The following GPR158 variants were observed in gnomAD, a reference collection of about 807,000 sequenced individuals.
GPR158 encodes the protein metabotropic glycine receptor.
A neutral mutation model predicts 78.2 loss-of-function variants in GPR158; 30 were observed. That is an observed-to-expected ratio of 0.38 (90% CI 0.29 to 0.52). The LOEUF (loss-of-function observed/expected upper bound fraction) is 0.52, where lower values mean the gene tolerates loss of function less well. Among genes scored for constraint, GPR158 ranks in the 20% least tolerant of loss-of-function variants. The probability of loss-of-function intolerance (pLI) is 0.83; values close to 1 mark genes in which losing one functional copy is unlikely to be tolerated. For missense variants in GPR158, 1,463 were observed against 1,523.5 expected (o/e 0.96, Z 0.66); for synonymous variants, 581 against 591.1 (o/e 0.98, Z 0.25).
intron 2 of GPR158, among the ~76,000 whole-genome samples, chr10:25,368,063 G>T (rs73608285): frequency 6.6e-6 from 1 of 151,860 alleles, no homozygotes; most frequent in Non-Finnish European, 1.5e-5. Flanking sequence ...TGTCTCTGAA[G>T]TTCATCTTTT....
At chr10:25,308,135 C>T (rs1351725650) in intron 2 of GPR158, among the ~76,000 whole-genome samples, 1 of 152,048 alleles carries the variant, frequency 6.6e-6, no homozygotes, top group Non-Finnish European at 1.5e-5. Context: ...GTAAAGGGTG[C>T]TATCTTTTTT....
intron 7 of GPR158, among the ~76,000 whole-genome samples, chr10:25,578,672 A>G (rs1837140293): frequency 6.6e-6 from 1 of 152,212 alleles, no homozygotes; most frequent in Admixed American, 6.5e-5. Flanking sequence ...AGATTTAATG[A>G]ACATTTTGAT....
At chr10:25,266,241 A>G (rs1854043716) in intron 2 of GPR158, among the ~76,000 whole-genome samples, 1 of 152,134 alleles carries the variant, frequency 6.6e-6, no homozygotes, top group Admixed American at 6.6e-5. Flanking sequence ...TCTGTCTGAA[A>G]TTTACATGTT....
chr10:25,421,538 T>C (rs938754217), intron 4 of GPR158, among the ~76,000 whole-genome samples: 2 of 152,152 alleles, frequency 1.3e-5, no homozygotes, highest in African/African-American at 4.8e-5. Context: ...CTAATTCTAG[T>C]AGTGGCCAGC....
rs141474320 is a variant in GPR158, at chr10:25,510,199, G to T, written c.1405-40777G>T. On this transcript the variant is annotated intron_variant, in intron 5 of 10. Coordinates refer to ENST00000376351, the MANE Select transcript of GPR158 (RefSeq NM_020752.3). ...AATAGAGTCTTCCACAGAGTTGGACGCTTGAATAACATCTGAATTCTGTTG... is the reference window on the plus strand; with the variant it reads ...AATAGAGTCTTCCACAGAGTTGGACTCTTGAATAACATCTGAATTCTGTTG... Among the ~76,000 whole-genome samples the T allele has an allele frequency of 3.0e-3, 462 of 152,284 alleles. 1 individual carries two copies. The highest frequency in any genetic ancestry group is 0.014 in the Middle Eastern group (4 of 294).
intron 7 of GPR158, among the ~76,000 whole-genome samples, chr10:25,578,298 C>T (rs1045105836): frequency 1.3e-5 from 2 of 152,172 alleles, no homozygotes; most frequent in African/African-American, 4.8e-5. Flanking sequence ...AGAGAACCTG[C>T]CAGGTGTAGG....
At chr10:25,316,651 T>C (rs1588794900) in intron 2 of GPR158, among the ~76,000 whole-genome samples, 3 of 152,220 alleles carry the variant, frequency 2.0e-5, no homozygotes, top group Non-Finnish European at 2.9e-5. Flanking sequence ...TCATGAGATA[T>C]AGTGCTATCT....
intron 4 of GPR158, among the ~76,000 whole-genome samples, chr10:25,458,849 C>T (rs1209533703): frequency 6.6e-6 from 1 of 152,190 alleles, no homozygotes; most frequent in African/African-American, 2.4e-5. Flanking sequence ...GACCTTATCT[C>T]TTCATTTTTA....
intron 7 of GPR158, among the ~76,000 whole-genome samples, chr10:25,585,071 G>A (rs1837248973): frequency 6.6e-6 from 1 of 152,196 alleles, no homozygotes; most frequent in African/African-American, 2.4e-5. Flanking sequence ...TCTATGATTG[G>A]CTGAAGCTTC....
At chr10:25,486,388 G>A (rs1220944508) in intron 5 of GPR158, among the ~76,000 whole-genome samples, 1 of 152,086 alleles carries the variant, frequency 6.6e-6, no homozygotes, top group Non-Finnish European at 1.5e-5. Flanking sequence ...GTGTCGTTGG[G>A]TTAGTTAGCC....
chr10:25,335,941 C>T (rs1221593050), intron 2 of GPR158, among the ~76,000 whole-genome samples: 1 of 151,956 alleles, frequency 6.6e-6, no homozygotes. Context: ...AGGGGGATAA[C>T]AGTAGTACCT....
chr10:25,582,260 A>C (rs1837212779), intron 7 of GPR158, among the ~76,000 whole-genome samples: 1 of 152,196 alleles, frequency 6.6e-6, no homozygotes, highest in African/African-American at 2.4e-5. Context: ...GTGCTCTGAG[A>C]GGACTTCCAT....
intron 5 of GPR158, among the ~76,000 whole-genome samples, chr10:25,519,372 C>A (rs906506124): frequency 5.8e-5 from 8 of 138,666 alleles, no homozygotes; most frequent in South Asian, 4.6e-4. Flanking sequence ...AGTCCATTTA[C>A]ATTTAAAGTT....
intron 2 of GPR158, among the ~76,000 whole-genome samples, chr10:25,343,022 A>C (rs1022149645): frequency 6.6e-6 from 1 of 151,936 alleles, no homozygotes; most frequent in African/African-American, 2.4e-5. Flanking sequence ...AATATCAATG[A>C]AAGTCTCTGA....
At chr10:25,563,728 TTA>T (rs1464969422) in intron 6 of GPR158, among the ~76,000 whole-genome samples, 4 of 152,174 alleles carry the variant, frequency 2.6e-5, no homozygotes, top group Non-Finnish European at 5.9e-5. Context: ...TGCTCCTCTT[TTA>T]TGTTTTTATT....
chr10:25,281,173 A>G (rs1475945144), intron 2 of GPR158, among the ~76,000 whole-genome samples: 1 of 151,838 alleles, frequency 6.6e-6, no homozygotes, highest in African/African-American at 2.4e-5. Flanking sequence ...GTTAATACAA[A>G]AAAGAATCTC....
At chr10:25,538,590 G>A (rs113009746) in intron 5 of GPR158, among the ~76,000 whole-genome samples, 95 of 152,246 alleles carry the variant, frequency 6.2e-4, no homozygotes, top group Non-Finnish European at 1.0e-3. Flanking sequence ...ACTCCTGGCC[G>A]TAAGTGATCC....
At chr10:25,346,921 G>T (rs1307506763) in intron 2 of GPR158, among the ~76,000 whole-genome samples, 1 of 151,938 alleles carries the variant, frequency 6.6e-6, no homozygotes, top group East Asian at 1.9e-4. Context: ...AACCTGGCTT[G>T]ATTTTTTTTA....
intron 4 of GPR158, among the ~76,000 whole-genome samples, chr10:25,455,076 T>G (rs1007302643): frequency 1.3e-5 from 2 of 152,200 alleles, no homozygotes; most frequent in Non-Finnish European, 2.9e-5. Flanking sequence ...ATAGTTTGAC[T>G]ATGACATTGG....
Sources: gnomAD v4.1 joint callset for allele counts (sites outside exome capture counted in the v4.1 genomes callset) on GRCh38, gnomAD v4.1.1 for gene constraint, MANE v1.5 for transcripts, NCBI Gene and HGNC (gene_info 2026-07-23, HGNC 2026-07-21) for gene names.